The following SLC29A3 variants were observed in gnomAD, a reference collection of about 807,000 sequenced individuals.
The protein encoded by SLC29A3 is equilibrative nucleoside transporter 3.
Under a neutral mutation model 25.4 loss-of-function variants are expected in SLC29A3, and 18 were observed. The ratio of observed to expected loss-of-function variants is 0.71; its 90% CI spans 0.49 to 1.05. SLC29A3 has a LOEUF of 1.05. Ranked by LOEUF, SLC29A3 falls within the 50% of genes least tolerant of loss-of-function variation. The pLI, the probability that SLC29A3 is intolerant of heterozygous loss-of-function variation, is 0.00. For missense variants in SLC29A3, 586 were observed against 609.0 expected (o/e 0.96, Z 0.40); for synonymous variants, 258 against 267.1 (o/e 0.97, Z 0.33).
At chr10:71,369,566 A>G (rs548020441) in intron 3 of SLC29A3, among the ~76,000 whole-genome samples, 2 of 152,362 alleles carry the variant, frequency 1.3e-5, no homozygotes, top group South Asian at 4.1e-4. Flanking sequence ...TGTAGCGTAA[A>G]CAAATGACTG....
intron 3 of SLC29A3, among the ~76,000 whole-genome samples, chr10:71,374,827 CTGTT>C (rs1363224661): frequency 1.3e-5 from 2 of 152,220 alleles, no homozygotes; most frequent in Non-Finnish European, 2.9e-5. Context: ...TATTCAGACA[CTGTT>C]TGACAGTGCA....
chr10:71,338,568 G>C (rs1291937941), intron 2 of SLC29A3, among the ~76,000 whole-genome samples: 1 of 152,006 alleles, frequency 6.6e-6, no homozygotes, highest in Admixed American at 6.6e-5. Context: ...GACCATCCTG[G>C]CTAACATGGT....
At chr10:71,348,756 G>A (rs1462572062) in intron 3 of SLC29A3, among the ~76,000 whole-genome samples, 1 of 152,228 alleles carries the variant, frequency 6.6e-6, no homozygotes, top group African/African-American at 2.4e-5. Context: ...TTGAGAAGAT[G>A]TGTGTCAGTG....
chr10:71,336,267 T>C (rs1442615446), intron 2 of SLC29A3, among the ~76,000 whole-genome samples: 1 of 152,128 alleles, frequency 6.6e-6, no homozygotes, highest in African/African-American at 2.4e-5. Flanking sequence ...TAACTAAGCA[T>C]GTCTGCAAAG....
intron 2 of SLC29A3, among the ~76,000 whole-genome samples, chr10:71,338,142 G>T (rs1846302897): frequency 6.6e-6 from 1 of 152,198 alleles, no homozygotes; most frequent in Non-Finnish European, 1.5e-5. Context: ...GGCCAGTCTG[G>T]GTGAGGCCCC....
intron 3 of SLC29A3, among the ~76,000 whole-genome samples, chr10:71,346,420 G>A (rs1291272892): frequency 2.0e-5 from 3 of 152,198 alleles, no homozygotes; most frequent in Admixed American, 1.3e-4. Context: ...GGAGCCAGGC[G>A]GAGTGCAGTG....
intron 4 of SLC29A3, among the ~76,000 whole-genome samples, chr10:71,353,928 AAG>A (rs545895361): frequency 5.9e-5 from 9 of 152,136 alleles, no homozygotes; most frequent in African/African-American, 1.2e-4. Flanking sequence ...ACAAGTTGGA[AAG>A]AGAGAGAGGA....
At chr10:71,363,836 G>A (rs1314609192), downstream of SLC29A3, among the ~76,000 whole-genome samples, 5 of 61,478 alleles carry the variant, frequency 8.1e-5, no homozygotes, top group African/African-American at 3.0e-4. Context: ...TTGAGATGAA[G>A]TCTTGCTCTG....
intron 4 of SLC29A3, 43 bp from the exon 5 acceptor site, chr10:71,356,038 C>T (rs777033715): frequency 6.5e-5 from 104 of 1,609,930 alleles, no homozygotes; most frequent in South Asian, 1.6e-4. Flanking sequence ...CACTCCTCCT[C>T]GCCCACCCCT....
chr10:71,345,277 G>T (rs1217286515), intron 3 of SLC29A3, among the ~76,000 whole-genome samples: 1 of 152,202 alleles, frequency 6.6e-6, no homozygotes, highest in African/African-American at 2.4e-5. Flanking sequence ...ATGTTCTGGG[G>T]GTTATCGAGG....
downstream of SLC29A3, chr10:71,365,583 G>A (rs921498101): frequency 1.4e-4 from 22 of 152,302 alleles, no homozygotes; most frequent in Non-Finnish European, 2.9e-4. Flanking sequence ...TTGGCTGTTG[G>A]GGATCATCCA....
intron 3 of SLC29A3, among the ~76,000 whole-genome samples, chr10:71,373,355 C>T (rs1326225239): frequency 6.6e-6 from 1 of 152,206 alleles, no homozygotes; most frequent in Non-Finnish European, 1.5e-5. Context: ...TCAAAGTGTG[C>T]TGGCCCTGGC....
At chr10:71,339,948 G>T (rs1846355541) in intron 2 of SLC29A3, among the ~76,000 whole-genome samples, 2 of 152,202 alleles carry the variant, frequency 1.3e-5, no homozygotes, top group African/African-American at 4.8e-5. Flanking sequence ...CTCCTCCGTT[G>T]TATCCACCCA....
chr10:71,320,381 C>A (rs1193104238), intron 1 of SLC29A3, among the ~76,000 whole-genome samples: 1 of 152,174 alleles, frequency 6.6e-6, no homozygotes, highest in Non-Finnish European at 1.5e-5. Context: ...GACAAAATAG[C>A]ATAGACTGGG....
intron 2 of SLC29A3, among the ~76,000 whole-genome samples, chr10:71,338,756 C>T (rs149822912): frequency 7.0e-4 from 106 of 150,656 alleles, no homozygotes; most frequent in Middle Eastern, 6.8e-3. Flanking sequence ...GACTCTGTCT[C>T]GAAAAAAAAG....
chr10:71,337,513 CGCTT>C (rs1846283790), intron 2 of SLC29A3, among the ~76,000 whole-genome samples: 1 of 152,244 alleles, frequency 6.6e-6, no homozygotes, highest in African/African-American at 2.4e-5. Context: ...AGGCTTGAAT[CGCTT>C]TTCCTCGCCC....
intron 5 of SLC29A3, 142 bp from the exon 6 acceptor site, chr10:71,361,812 A>C: frequency 1.0e-6 from 1 of 956,448 alleles, no homozygotes; most frequent in Non-Finnish European, 1.6e-6. Flanking sequence ...CTGTCATCTC[A>C]GGGAACGCTG....
At chr10:71,369,631 T>C (rs1847196232) in intron 3 of SLC29A3, among the ~76,000 whole-genome samples, 1 of 152,238 alleles carries the variant, frequency 6.6e-6, no homozygotes, top group Non-Finnish European at 1.5e-5. Context: ...TGCAATCCAC[T>C]GCTGGCCATG....
At chr10:71,369,976 AG>A (rs771728258) in intron 3 of SLC29A3, among the ~76,000 whole-genome samples, 6 of 152,178 alleles carry the variant, frequency 3.9e-5, no homozygotes, top group Admixed American at 6.5e-5. Context: ...CTGGGTAGAC[AG>A]GGTAAGGAGG....
Sources: allele counts gnomAD v4.1 joint callset (sites outside exome capture counted in the v4.1 genomes callset), GRCh38; gene constraint gnomAD v4.1.1; transcripts MANE v1.5; gene names NCBI Gene and HGNC (gene_info 2026-07-23, HGNC 2026-07-21).